Variants in FBXL7 observed in about 807,000 individuals in gnomAD.
FBXL7 encodes F-box/LRR-repeat protein 7.
In FBXL7, 12 loss-of-function variants were observed where a neutral mutation model predicts 38.3. The ratio of observed to expected loss-of-function variants is 0.31; its 90% CI spans 0.20 to 0.51. The LOEUF is 0.51. Among genes scored for constraint, FBXL7 ranks in the 20% least tolerant of loss-of-function variants. The pLI, the probability that FBXL7 is intolerant of heterozygous loss-of-function variation, is 0.98. For synonymous variants in FBXL7, 297 were observed against 300.9 expected, an observed-to-expected ratio of 0.99 and a Z score of 0.13; for missense variants, 567 against 676.4, an observed-to-expected ratio of 0.84 and a Z score of 1.79.
In FBXL7 at chr5:15,928,526, T is replaced by C; in HGVS notation, c.739+25T>C. ...GGTAAATGGACACTGACCTACCAGC[T>C]ATGGGCCCTCCTGGTGCACCATCCT... On this transcript the variant is annotated intron_variant, in intron 3 of 3. Transcript: ENST00000504595. This position sits in a 1 kb window ranked among gnomAD's most constrained non-coding sequence, Gnocchi z 4.0. The C allele has an allele frequency of 6.3e-7, 1 of 1,588,886 alleles. No homozygotes were observed. The highest frequency in any genetic ancestry group is 8.6e-7 in the Non-Finnish European group (1 of 1,165,634).
chr5:15,543,182 G>C (rs1737804119), intron 1 of FBXL7, among the ~76,000 whole-genome samples: 1 of 152,132 alleles, frequency 6.6e-6, no homozygotes, highest in Non-Finnish European at 1.5e-5. Context: ...AAGAAAAGAG[G>C]TTTAATGGAC....
At chr5:15,694,751 C>A (rs4701639) in intron 2 of FBXL7, among the ~76,000 whole-genome samples, 1 of 152,008 alleles carries the variant, frequency 6.6e-6, no homozygotes, top group Admixed American at 6.5e-5. Context: ...CTGGAATATA[C>A]ATTTTTAAGG....
intron 1 of FBXL7, among the ~76,000 whole-genome samples, chr5:15,588,756 A>G (rs1370334170): frequency 6.6e-6 from 1 of 152,174 alleles, no homozygotes; most frequent in East Asian, 1.9e-4. Context: ...CTTTCTTCCC[A>G]ATTGTAATGT....
intron 2 of FBXL7, among the ~76,000 whole-genome samples, chr5:15,623,571 A>T (rs566165202): frequency 6.6e-6 from 1 of 152,312 alleles, no homozygotes; most frequent in South Asian, 2.1e-4. Flanking sequence ...ATGCCCAGAC[A>T]TCTGGCTTTG....
rs533310427 is a variant in FBXL7, at chr5:15,796,882, G to A, written c.128-131008G>A. On this transcript the variant is annotated intron_variant, in intron 2 of 3. Coordinates refer to ENST00000504595, the MANE Select transcript of FBXL7 (RefSeq NM_012304.5). ...GAATGGATTTTAGAACGTGCGTGAT[G>A]AGATCCAGAGCTACTCAGTGGGAGA... is the stretch of plus-strand genomic sequence containing the variant. Among the ~76,000 whole-genome samples, 27 of 152,290 alleles carry A rather than the reference G, an allele frequency of 1.8e-4. No homozygotes were observed. The South Asian group carries it at 5.4e-3, about 30-fold the overall frequency.
At chr5:15,763,662 T>G (rs1736510820) in intron 2 of FBXL7, among the ~76,000 whole-genome samples, 1 of 152,186 alleles carries the variant, frequency 6.6e-6, no homozygotes. Context: ...GTTTTATAGG[T>G]TTCTATTCTG....
At position 15,688,258 on chromosome 5, in the gene FBXL7, T is replaced by C. The variant is rs188069712; in HGVS notation, c.127+72186T>C. Among the ~76,000 whole-genome samples the C allele has an allele frequency of 5.3e-4, 81 of 152,300 alleles. 1 individual carries two copies. Among genetic ancestry groups the C allele is most frequent in the Non-Finnish European group, 9.9e-4 (67 of 68,018 alleles). On this transcript the variant is annotated intron_variant, in intron 2 of 3. Transcript: ENST00000504595. ...TACAAAACAGGAGTGTTGGGTTCCATTGGGGATGGGAACCATTGATTAAGT... is the reference window on the plus strand; with the variant it reads ...TACAAAACAGGAGTGTTGGGTTCCACTGGGGATGGGAACCATTGATTAAGT...
At chr5:15,663,777 C>T (rs1204296110) in intron 2 of FBXL7, among the ~76,000 whole-genome samples, 1 of 152,080 alleles carries the variant, frequency 6.6e-6, no homozygotes, top group African/African-American at 2.4e-5. Flanking sequence ...TTGCCTGCTC[C>T]TTTATTATTG....
intron 2 of FBXL7, among the ~76,000 whole-genome samples, chr5:15,857,229 G>A (rs1181870678): frequency 6.6e-6 from 1 of 152,102 alleles, no homozygotes; most frequent in Non-Finnish European, 1.5e-5. Context: ...GAAAGTACTG[G>A]GGTCAAGCCC....
chr5:15,598,257 GCTT>G (rs1739684215), intron 1 of FBXL7, among the ~76,000 whole-genome samples: 2 of 152,238 alleles, frequency 1.3e-5, no homozygotes, highest in South Asian at 2.1e-4. Context: ...TAAGTATAAT[GCTT>G]CTTATTTCTA....
In FBXL7 at chr5:15,795,642, GATCATTAA is replaced by G. The variant is rs1737395660; in HGVS notation, c.128-132246_128-132239del. Among the ~76,000 whole-genome samples, 3 of 152,306 alleles carry G rather than the reference GATCATTAA, an allele frequency of 2.0e-5. No individual in the cohort carries two copies. The South Asian group carries it at 6.2e-4, about 32-fold the overall frequency. The stretch of plus-strand genomic sequence containing the variant: ...TTATCTGCCAACTAATGATGTGTCT[GATCATTAA>G]AATCAGCTTATGGATTTTGTTCATG... On this transcript the variant is annotated intron_variant, in intron 2 of 3. Transcript: ENST00000504595.
At chr5:15,811,513 C>T (rs1737858052) in intron 2 of FBXL7, among the ~76,000 whole-genome samples, 1 of 151,996 alleles carries the variant, frequency 6.6e-6, no homozygotes. Flanking sequence ...AAGTTACTTA[C>T]CTTTTTAGAG....
At chr5:15,618,936 A>G (rs1412251853) in intron 2 of FBXL7, among the ~76,000 whole-genome samples, 2 of 152,184 alleles carry the variant, frequency 1.3e-5, no homozygotes, top group Non-Finnish European at 2.9e-5. Flanking sequence ...GGCCTTAGAA[A>G]AGGAAAGAAA....
intron 2 of FBXL7, among the ~76,000 whole-genome samples, chr5:15,773,890 A>G (rs1462411734): frequency 6.6e-6 from 1 of 152,178 alleles, no homozygotes; most frequent in African/African-American, 2.4e-5. Flanking sequence ...TGAATAGAAG[A>G]AAGGAAAGAT....
intron 2 of FBXL7, among the ~76,000 whole-genome samples, chr5:15,897,145 C>T (rs1218016618): frequency 1.3e-5 from 2 of 151,926 alleles, no homozygotes; most frequent in Admixed American, 6.6e-5. Flanking sequence ...TCTATATATA[C>T]GTATATATTT....
intron 1 of FBXL7, among the ~76,000 whole-genome samples, chr5:15,540,837 C>A (rs1392674681): frequency 6.6e-6 from 1 of 151,960 alleles, no homozygotes; most frequent in Non-Finnish European, 1.5e-5. Flanking sequence ...GGCACTGATC[C>A]CATTCATGAG....
intron 1 of FBXL7, among the ~76,000 whole-genome samples, chr5:15,544,697 T>G (rs1737852931): frequency 6.6e-6 from 1 of 152,160 alleles, no homozygotes; most frequent in Non-Finnish European, 1.5e-5. Context: ...CAGAGTTTGC[T>G]TGTGAGTAGG....
At chr5:15,710,869 G>A (rs962681856) in intron 2 of FBXL7, among the ~76,000 whole-genome samples, 2 of 152,146 alleles carry the variant, frequency 1.3e-5, no homozygotes, top group African/African-American at 4.8e-5. Context: ...GGAGGGGAGT[G>A]ATATGGTTTG....
intron 2 of FBXL7, among the ~76,000 whole-genome samples, chr5:15,828,836 T>G (rs886645371): frequency 3.3e-5 from 5 of 152,236 alleles, no homozygotes; most frequent in Non-Finnish European, 7.3e-5. Flanking sequence ...AATTCATACA[T>G]AGTGTTTGCC....
Sources: gnomAD v4.1 joint callset for allele counts (sites outside exome capture counted in the v4.1 genomes callset) on GRCh38, gnomAD v4.1.1 for gene constraint, Gnocchi (gnomAD v3.1) non-coding constraint, MANE v1.5 for transcripts, NCBI Gene and HGNC (gene_info 2026-07-23, HGNC 2026-07-21) for gene names.